ZNF516: variants seen among roughly 807,000 people sequenced by gnomAD.
ZNF516 encodes the protein zinc finger protein 516.
Under a neutral mutation model 79.7 loss-of-function variants are expected in ZNF516, and 19 were observed. The ratio of observed to expected loss-of-function variants is 0.24; its 90% CI spans 0.17 to 0.35. The LOEUF (loss-of-function observed/expected upper bound fraction) is 0.35, where lower values mean the gene tolerates loss of function less well. ZNF516 is among the 10% of genes least tolerant of loss of function. The pLI, the probability that ZNF516 is intolerant of heterozygous loss-of-function variation, is 1.00. For synonymous variants in ZNF516, 877 were observed against 739.5 expected (o/e 1.19, Z -3.02); for missense variants, 1,678 against 1,679.5 (o/e 1.00, Z 0.02).
chr18:76,449,255 G>A (rs1912252257), intron 2 of ZNF516, among the ~76,000 whole-genome samples: 2 of 152,122 alleles, frequency 1.3e-5, no homozygotes, highest in African/African-American at 4.8e-5. Context: ...GGCTTCTCAG[G>A]GTCTGAACCC....
intron 3 of ZNF516, among the ~76,000 whole-genome samples, chr18:76,384,421 C>G (rs1419629939): frequency 7.9e-6 from 1 of 127,132 alleles, no homozygotes; most frequent in East Asian, 2.4e-4. Context: ...CCCCACCACT[C>G]CCTCCACGGT....
At chr18:76,449,568 T>A (rs556983580) in intron 2 of ZNF516, among the ~76,000 whole-genome samples, 2 of 152,384 alleles carry the variant, frequency 1.3e-5, no homozygotes, top group East Asian at 3.9e-4. Context: ...AGCCTCTCTA[T>A]TCCTCAGTCC....
At position 76,466,527 on chromosome 18, in the gene ZNF516, G is replaced by A. The variant is rs577111142; in HGVS notation, c.-271-3386C>T. Reference sequence around the variant, plus strand: ...CAGGTGGGATGGCGGGGACACCAAAGAGGCTACTTGGCTGGCACGGCCGGA... The same window carrying A: ...CAGGTGGGATGGCGGGGACACCAAAAAGGCTACTTGGCTGGCACGGCCGGA... On this transcript the variant is annotated intron_variant, in intron 1 of 6. Transcript: ENST00000443185. Among the ~76,000 whole-genome samples the A allele has an allele frequency of 2.6e-5, 4 of 152,394 alleles. No individual in the cohort carries two copies. In the East Asian group the frequency reaches 7.7e-4, roughly 29 times the overall value.
At chr18:76,466,561 C>T (rs1913483563) in intron 1 of ZNF516, among the ~76,000 whole-genome samples, 1 of 152,244 alleles carries the variant, frequency 6.6e-6, no homozygotes, top group South Asian at 2.1e-4. Flanking sequence ...GACCCAAGTG[C>T]TCTATGCAGG....
chr18:76,429,411 C>T (rs1050226237), intron 3 of ZNF516, among the ~76,000 whole-genome samples: 2 of 152,200 alleles, frequency 1.3e-5, no homozygotes, highest in Non-Finnish European at 2.9e-5. Flanking sequence ...AATCCACGCT[C>T]CCCAGCCTCT....
At chr18:76,473,904 G>GT (rs1555718878) in intron 1 of ZNF516, among the ~76,000 whole-genome samples, 26,523 of 62,908 alleles carry the variant, frequency 0.42, 6,352 homozygotes, top group African/African-American at 0.57. Flanking sequence ...GTTTTTGTGT[G>GT]GGGGGGGGGG....
At chr18:76,420,352 C>T (rs1599059595) in intron 3 of ZNF516, among the ~76,000 whole-genome samples, 1 of 152,202 alleles carries the variant, frequency 6.6e-6, no homozygotes, top group African/African-American at 2.4e-5. Context: ...CTCTCTACCC[C>T]CGGCCCTCAT....
At chr18:76,461,121 G>T (rs1913079726) in intron 2 of ZNF516, among the ~76,000 whole-genome samples, 1 of 152,208 alleles carries the variant, frequency 6.6e-6, no homozygotes, top group African/African-American at 2.4e-5. Flanking sequence ...GCCGGAGGTT[G>T]CAGTGAGCTG....
In ZNF516 at chr18:76,379,041, C is replaced by T; in HGVS notation, c.3073G>A (p.Ala1025Thr). Residue 1025 changes from alanine (A) to threonine (T), a missense_variant, in exon 4 of 7, where the codon GCC becomes ACC. Around this residue, in one of 5 missense-constraint regions of ZNF516, gnomAD observed 1,294 missense variants for 1,248.3 expected, o/e 1.04. Coordinates refer to ENST00000443185, the MANE Select transcript of ZNF516 (RefSeq NM_014643.4). ...GCCACGCCGGGCTGGGCCTGCAAGG[C>T]CGCGTCGCCCCTGGACCCCGCAGCA... Reference protein sequence around the residue: ...TCAAGSRGDAALQAQPGVAGA... With the variant: ...TCAAGSRGDATLQAQPGVAGA... 2 of 1,610,702 alleles carry T rather than the reference C, an allele frequency of 1.2e-6. No homozygotes were observed. Among genetic ancestry groups the T allele is most frequent in the Non-Finnish European group, 8.5e-7 (1 of 1,179,382 alleles).
intron 2 of ZNF516, among the ~76,000 whole-genome samples, chr18:76,455,612 T>G: frequency 6.6e-6 from 1 of 152,198 alleles, no homozygotes; most frequent in Non-Finnish European, 1.5e-5. Flanking sequence ...TGTTTCCAGA[T>G]ACTATCACAT....
chr18:76,423,923 AAC>A (rs2075550101), intron 3 of ZNF516, among the ~76,000 whole-genome samples: 2 of 87,850 alleles, frequency 2.3e-5, no homozygotes, highest in Non-Finnish European at 2.5e-5. Flanking sequence ...TCCCTCCTGA[AAC>A]ACACATGCAG....
intron 3 of ZNF516, among the ~76,000 whole-genome samples, chr18:76,407,053 G>A (rs554289093): frequency 7.9e-5 from 12 of 152,266 alleles, no homozygotes; most frequent in South Asian, 2.1e-4. Context: ...AGGCTGGGTG[G>A]ACAGGTTAGA....
chr18:76,379,559 G>A lies in ZNF516; in HGVS notation c.2555C>T (p.Ser852Phe). The A allele has an allele frequency of 6.2e-7, 1 of 1,613,682 alleles. No homozygotes were observed. Among genetic ancestry groups the A allele is most frequent in the Middle Eastern group, 1.6e-4 (1 of 6,062 alleles). The change falls in exon 4 of 7, where the codon TCT becomes TTT. Residue 852 changes from serine to phenylalanine, a missense_variant. By Grantham distance (155) the Ser-to-Phe change is radical (BLOSUM62 -2). Coordinates refer to ENST00000443185, the MANE Select transcript of ZNF516 (RefSeq NM_014643.4). ...GGCTTTTGTGACCACTCCCAGGGGA[G>A]AAGAGCCACTTTTGGACCCCGGCAT... Reference protein sequence around the residue: ...GGMPGSKSGSSPLGVVTKAAS... With the variant: ...GGMPGSKSGSFPLGVVTKAAS...
chr18:76,422,817 C>CA (rs1202252421), intron 3 of ZNF516, among the ~76,000 whole-genome samples: 1 of 152,088 alleles, frequency 6.6e-6, no homozygotes, highest in Non-Finnish European at 1.5e-5. Flanking sequence ...AAGAAATCTC[C>CA]AATCGTAAAC....
In ZNF516 at chr18:76,442,193, G is replaced by T; in HGVS notation, c.862C>A (p.Pro288Thr). The change falls in exon 3 of 7, where the codon CCC (proline) becomes ACC (threonine). Residue 288 changes from proline to threonine, a missense_variant. Around this residue, in one of 5 missense-constraint regions of ZNF516, gnomAD observed 17 missense variants for 51.8 expected, o/e 0.33. Coordinates refer to ENST00000443185, the MANE Select transcript of ZNF516 (RefSeq NM_014643.4). ...TTCATGTGGTTCTTGAGGAACCAGG[G>T]CTCCTTGAACCTACGGCCGCAGATG... ...CHICGRRFKE[P>T]WFLKNHMKAH... 6.2e-7 allele frequency: 1 copy of T among 1,613,870 alleles called. No individual in the cohort carries two copies.
At chr18:76,487,063 A>T (rs1914874032) in intron 1 of ZNF516, among the ~76,000 whole-genome samples, 1 of 152,182 alleles carries the variant, frequency 6.6e-6, no homozygotes, top group South Asian at 2.1e-4. Context: ...AAATAGTTGC[A>T]TTTCTAATTA....
At chr18:76,434,979 A>G (rs1045692054) in intron 3 of ZNF516, among the ~76,000 whole-genome samples, 6 of 152,208 alleles carry the variant, frequency 3.9e-5, no homozygotes, top group Admixed American at 2.6e-4. Flanking sequence ...CCCTCCACCA[A>G]TGATGCCGTG....
intron 3 of ZNF516, among the ~76,000 whole-genome samples, chr18:76,425,773 A>G (rs893686732): frequency 6.6e-6 from 1 of 152,114 alleles, no homozygotes; most frequent in African/African-American, 2.4e-5. Context: ...AATGTGATGG[A>G]CCCATGCGGC....
intron 3 of ZNF516, among the ~76,000 whole-genome samples, chr18:76,433,712 G>C (rs1477564658): frequency 1.1e-4 from 17 of 152,330 alleles, no homozygotes; most frequent in Non-Finnish European, 2.2e-4. Context: ...GGGCAGAAGG[G>C]TGGGAATCCG....
Sources: allele counts gnomAD v4.1 joint callset (sites outside exome capture counted in the v4.1 genomes callset), GRCh38; gene constraint gnomAD v4.1.1; regional missense constraint gnomAD v4.1.1; transcripts MANE v1.5; gene names NCBI Gene and HGNC (gene_info 2026-07-23, HGNC 2026-07-21).